PRRT1B: variants seen among roughly 807,000 people sequenced by gnomAD.
PRRT1B encodes the protein dispanin subfamily D member 2.
chr9:131,550,545 C>T (rs932984060), intron 1 of PRRT1B, among the ~76,000 whole-genome samples: 3 of 152,192 alleles, frequency 2.0e-5, no homozygotes, highest in Non-Finnish European at 4.4e-5. Context: ...CCCTGCTGAT[C>T]GTGTGCAGCT....
rs966300335 is a variant in PRRT1B at position 131,546,116 on chromosome 9, C to T, written c.25+476C>T. Among the ~76,000 whole-genome samples the T allele has an allele frequency of 3.9e-5, 6 of 152,158 alleles. 1 individual carries two copies. Among genetic ancestry groups the T allele is most frequent in the East Asian group, 3.8e-4 (2 of 5,196 alleles). Reference sequence around the variant, plus strand: ...TCATTCTCTGAGCATTTTGCCCACTCCCGCCCCGTGTCCCGCCTCTGGCAG... The same window carrying T: ...TCATTCTCTGAGCATTTTGCCCACTTCCGCCCCGTGTCCCGCCTCTGGCAG... On this transcript the variant is annotated intron_variant, in intron 1 of 3. Transcript: ENST00000636672.
chr9:131,553,691 A>G (rs1951026861), intron 1 of PRRT1B, among the ~76,000 whole-genome samples: 1 of 152,170 alleles, frequency 6.6e-6, no homozygotes, highest in African/African-American at 2.4e-5. Flanking sequence ...GACACTTAGG[A>G]AATGGACCTC....
intron 1 of PRRT1B, among the ~76,000 whole-genome samples, chr9:131,550,939 CTTTTT>C (rs546049217): frequency 1.7e-3 from 129 of 75,964 alleles, no homozygotes; most frequent in African/African-American, 6.4e-3. Context: ...TTTTCTTTTT[CTTTTT>C]TTTTTTTTTT....
At chr9:131,545,683 C>T in intron 1 of PRRT1B, 43 bp downstream of exon 1, 1 of 362,312 alleles carries the variant, frequency 2.8e-6, no homozygotes, top group Non-Finnish European at 4.5e-6. Context: ...ACTGGCGGGG[C>T]AGGTACTGGC....
rs1564415254 is a variant in PRRT1B, at chr9:131,545,723, A to AGGGGCAGGTACTGGC, written c.25+93_25+107dup. 3.0e-5 allele frequency: 10 copies of AGGGGCAGGTACTGGC among 331,034 alleles called. No individual in the cohort carries two copies. The East Asian group carries it at 3.1e-4, about 10-fold the overall frequency. 20.5% of individuals were successfully genotyped at this position (331,034 alleles called of 1,614,324 possible). A position where few individuals can be genotyped will look rare whatever the true frequency, so the allele number is the denominator to read the frequency against. The stretch of plus-strand genomic sequence containing the variant: ...CAGGTACTGGCGAGGCAGGTACTGG[A>AGGGGCAGGTACTGGC]GGGGCAGGTACTGGCGGGGCAGGTG... On this transcript the variant is annotated intron_variant, in intron 1 of 3. Coordinates refer to ENST00000636672, the Ensembl canonical transcript of PRRT1B.
chr9:131,548,862 C>G (rs1451026794), intron 1 of PRRT1B, among the ~76,000 whole-genome samples: 2 of 152,232 alleles, frequency 1.3e-5, no homozygotes, highest in African/African-American at 4.8e-5. Flanking sequence ...CCCTCCCCCA[C>G]CTGCCCAGCA....
chr9:131,550,947 T>C (rs1295077233), intron 1 of PRRT1B, among the ~76,000 whole-genome samples: 17 of 137,846 alleles, frequency 1.2e-4, no homozygotes, highest in Middle Eastern at 3.5e-3. Flanking sequence ...TTCTTTTTTT[T>C]TTTTTTTTTT....
rs980460479 is a variant in PRRT1B, at chr9:131,558,485, C to T, written c.*283C>T. The T allele has an allele frequency of 1.2e-4, 37 of 304,960 alleles. 1 individual carries two copies. Among genetic ancestry groups the T allele is most frequent in the Admixed American group, 8.2e-4 (16 of 19,564 alleles). 18.9% of individuals were successfully genotyped at this position (304,960 alleles called of 1,614,324 possible). On this transcript the variant is annotated 3_prime_UTR_variant, in exon 4 of 4. Transcript: ENST00000636672. ...CGTGGGACAGGAGCCCACCAGAGCC[C>T]CATTTCCCAGGAGCCTCCTCTCAAG... is the stretch of plus-strand genomic sequence containing the variant.
chr9:131,550,205 G>T (rs1026848988), intron 1 of PRRT1B, among the ~76,000 whole-genome samples: 2 of 152,134 alleles, frequency 1.3e-5, no homozygotes, highest in Non-Finnish European at 2.9e-5. Context: ...GCTAGTTCAG[G>T]ATCTGCGCCT....
chr9:131,548,458 C>T (rs1037198773), intron 1 of PRRT1B, among the ~76,000 whole-genome samples: 7 of 152,148 alleles, frequency 4.6e-5, no homozygotes, highest in African/African-American at 1.4e-4. Context: ...ACAGTGGTTC[C>T]AAATAGCCAG....
rs187912484 is a variant in PRRT1B, at chr9:131,553,643, C to T, written c.26-914C>T. ...CCCCACTGAGATGTCTGTGTGATGT[C>T]TGTTTCACTCATCCCTCTGCCTTTT... On this transcript the variant is annotated intron_variant, in intron 1 of 3. Coordinates refer to ENST00000636672, the Ensembl canonical transcript of PRRT1B. Among the ~76,000 whole-genome samples the T allele has an allele frequency of 1.2e-3, 190 of 152,330 alleles. 1 individual carries two copies. The highest frequency in any genetic ancestry group is 7.1e-3 in the Admixed American group (108 of 15,310).
chr9:131,557,998 G>T, intron 3 of PRRT1B, 55 bp from the exon 4 acceptor site: 1 of 398,620 alleles, frequency 2.5e-6, no homozygotes, highest in South Asian at 1.3e-4. Flanking sequence ...CACTGGGAGG[G>T]AGTGGGGGCT....
exon 2 of PRRT1B, chr9:131,554,900 G>A (rs1324827987): frequency 5.3e-6 from 2 of 379,664 alleles, no homozygotes; most frequent in African/African-American, 4.2e-5. Flanking sequence ...CGCCCTTCCC[G>A]CAGGTGCCCG....
chr9:131,552,188 C>T (rs1036607971), intron 1 of PRRT1B, among the ~76,000 whole-genome samples: 1 of 152,138 alleles, frequency 6.6e-6, no homozygotes, highest in African/African-American at 2.4e-5. Flanking sequence ...TGCCACTTCC[C>T]CCTTTTAGAG....
intron 1 of PRRT1B, among the ~76,000 whole-genome samples, chr9:131,548,440 C>T (rs1341072483): frequency 6.6e-6 from 1 of 152,174 alleles, no homozygotes; most frequent in East Asian, 1.9e-4. Flanking sequence ...GACCCCAATA[C>T]AAACTCGACA....
chr9:131,552,209 C>A (rs1951016657), intron 1 of PRRT1B, among the ~76,000 whole-genome samples: 1 of 152,220 alleles, frequency 6.6e-6, no homozygotes, highest in Non-Finnish European at 1.5e-5. Context: ...AGGACAAGGT[C>A]TCACTCTGTA....
chr9:131,552,661 G>T (rs538221044), intron 1 of PRRT1B, among the ~76,000 whole-genome samples: 13 of 147,650 alleles, frequency 8.8e-5, no homozygotes, highest in African/African-American at 3.0e-4. Context: ...GTTTGGGGGG[G>T]AGCCCAACCT....
At chr9:131,554,606 G>A in exon 2 of PRRT1B, 1 of 396,040 alleles carries the variant, frequency 2.5e-6, no homozygotes, top group Non-Finnish European at 4.5e-6. Context: ...AGGACCCCCG[G>A]AGCCCCGCGA....
chr9:131,553,063 G>A (rs1425920725), intron 1 of PRRT1B, among the ~76,000 whole-genome samples: 1 of 151,870 alleles, frequency 6.6e-6, no homozygotes, highest in Non-Finnish European at 1.5e-5. Flanking sequence ...CTTCCTTTTT[G>A]TATTTTGTCT....
Sources: allele counts gnomAD v4.1 joint callset (sites outside exome capture counted in the v4.1 genomes callset), GRCh38; gene constraint gnomAD v4.1.1; transcripts MANE v1.5; gene names NCBI Gene and HGNC (gene_info 2026-07-23, HGNC 2026-07-21).